KIF17: variants seen among roughly 807,000 people sequenced by gnomAD.
The protein encoded by KIF17 is kinesin-like protein KIF17.
Under a neutral mutation model 96.8 loss-of-function variants are expected in KIF17, and 80 were observed. The ratio of observed to expected loss-of-function variants is 0.83; its 90% CI spans 0.69 to 1.00. The LOEUF is 1.00. Ranked by LOEUF, KIF17 falls within the 50% of genes least tolerant of loss-of-function variation. KIF17 has a pLI of 0.00. For missense variants in KIF17, 1,280 were observed against 1,372.9 expected, an observed-to-expected ratio of 0.93 and a Z score of 1.07; for synonymous variants, 567 against 587.5, an observed-to-expected ratio of 0.97 and a Z score of 0.51.
chr1:20,701,944 C>A (rs1012781700), intron 5 of KIF17, among the ~76,000 whole-genome samples: 1 of 152,094 alleles, frequency 6.6e-6, no homozygotes, highest in Non-Finnish European at 1.5e-5. Context: ...GAGGGAGAAC[C>A]AGGGCTAAGG....
At position 20,664,447 on chromosome 1, in the gene KIF17, T is replaced by C. The variant is rs903226363; in HGVS notation, c.*137A>G. The C allele has an allele frequency of 2.5e-6, 4 of 1,570,158 alleles. No homozygotes were observed. The African/African-American group carries it at 4.0e-5, about 16-fold the overall frequency. ...TCTCTGGGGAACAGGGAAGGGAATG[T>C]GTCTTCCCAGGGCTGAGGGAGCCCT... is the stretch of plus-strand genomic sequence containing the variant. On this transcript the variant is annotated 3_prime_UTR_variant, in exon 15 of 15. Transcript: ENST00000400463.
intron 14 of KIF17, among the ~76,000 whole-genome samples, chr1:20,665,021 G>A (rs916011060): frequency 2.0e-5 from 3 of 152,034 alleles, no homozygotes; most frequent in African/African-American, 7.3e-5. Context: ...GGCAGCCTGG[G>A]ATCTCAAGCC....
At chr1:20,679,001 CAAAA>C (rs34906395) in intron 11 of KIF17, among the ~76,000 whole-genome samples, 11 of 86,648 alleles carry the variant, frequency 1.3e-4, no homozygotes, top group Admixed American at 2.4e-4. Flanking sequence ...TCTTCCTTGG[CAAAA>C]AAAAAAAAAA....
intron 11 of KIF17, among the ~76,000 whole-genome samples, chr1:20,679,715 G>A (rs184909040): frequency 1.3e-4 from 20 of 152,180 alleles, no homozygotes; most frequent in African/African-American, 4.6e-4. Flanking sequence ...CAAAAAGATG[G>A]GGACTTCAGT....
intron 13 of KIF17, among the ~76,000 whole-genome samples, chr1:20,666,800 A>G (rs2053537727): frequency 6.6e-6 from 1 of 152,108 alleles, no homozygotes; most frequent in Non-Finnish European, 1.5e-5. Context: ...TTTCCCCACT[A>G]TTATGGACTT....
At chr1:20,670,791 G>A (rs1281894247) in intron 12 of KIF17, among the ~76,000 whole-genome samples, 1 of 152,102 alleles carries the variant, frequency 6.6e-6, no homozygotes, top group African/African-American at 2.4e-5. Context: ...GGCGGGCTGG[G>A]GTCTCAGCAG....
intron 11 of KIF17, among the ~76,000 whole-genome samples, chr1:20,676,120 CTT>C (rs2053733102): frequency 6.6e-6 from 1 of 151,874 alleles, no homozygotes; most frequent in South Asian, 2.1e-4. Flanking sequence ...TTAATTTACT[CTT>C]TTTTCTCTAC....
chr1:20,672,100 A>G lies in KIF17; in HGVS notation c.2560T>C (p.Ser854Pro), dbSNP rs2053657762. 1 of 1,614,196 alleles carries G rather than the reference A, an allele frequency of 6.2e-7. No individual in the cohort carries two copies. The highest frequency in any genetic ancestry group is 1.1e-5 in the South Asian group (1 of 91,084). Reference sequence around the variant, plus strand: ...TCCAGGAGCTGCTGCAAGAGCATGGAGTCACGCTCCTGCCGGCGGATGGTG... The same window carrying G: ...TCCAGGAGCTGCTGCAAGAGCATGGGGTCACGCTCCTGCCGGCGGATGGTG... ...LATIRRQERD[S>P]MLLQQLLEQV... Residue 854 changes from serine to proline, a missense_variant, in exon 12 of 15, where the codon TCC (serine) becomes CCC (proline). Transcript: ENST00000400463. This position sits in a 1 kb window ranked among gnomAD's most constrained non-coding sequence, Gnocchi z 4.3.
chr1:20,664,708 A>T lies in KIF17; in HGVS notation c.2963T>A (p.Ile988Asn). 1 of 1,612,096 alleles carries T rather than the reference A, an allele frequency of 6.2e-7. No homozygotes were observed. The highest frequency in any genetic ancestry group is 1.1e-5 in the South Asian group (1 of 90,946). ...CATTTCAGGGGCCTGGGTGGGTGGG[A>T]TGGCAGAGTTGTTGCTGAGTGGGCA... is the stretch of plus-strand genomic sequence containing the variant. ...LSCPLSNNSA[I>N]PPTQAPEMPQ... The change falls in exon 15 of 15, where the codon ATC becomes AAC. Residue 988 changes from isoleucine (I) to asparagine (N), a missense_variant. Physicochemically the swap from Ile to Asn is moderately radical, Grantham distance 149 (BLOSUM62 -3). Transcript: ENST00000400463.
At chr1:20,671,470 A>G (rs1408623466) in intron 12 of KIF17, among the ~76,000 whole-genome samples, 1 of 151,176 alleles carries the variant, frequency 6.6e-6, no homozygotes, top group Non-Finnish European at 1.5e-5. Context: ...AGCTGGGACT[A>G]CAGGTACATG....
rs1361613829 is a variant in KIF17 at position 20,677,172 on chromosome 1, C to A, written c.2464-4976G>T. Among the ~76,000 whole-genome samples the A allele has an allele frequency of 2.0e-5, 3 of 152,220 alleles. No individual in the cohort carries two copies. In the East Asian group the frequency reaches 5.8e-4, roughly 29 times the overall value. On this transcript the variant is annotated intron_variant, in intron 11 of 14. Coordinates refer to ENST00000400463, the MANE Select transcript of KIF17 (RefSeq NM_001122819.3). ...GTTGCAGTGAGCTGTGATCGTGCCA[C>A]TGCACTCTAGCATGAGCAACAGGGT...
Position 20,679,340 on chromosome 1 carries a change from C to A in KIF17, c.2463+3313G>T, listed in dbSNP as rs187939564. Among the ~76,000 whole-genome samples, 863 of 151,970 alleles carry A rather than the reference C, an allele frequency of 5.7e-3. 7 individuals carry two copies. The highest frequency in any genetic ancestry group is 0.02 in the African/African-American group (810 of 41,464). ...AATAATAATAAAAAAATTAGCCAGG[C>A]GTGGTGGTGCATACCTGTAGTCCCA... On this transcript the variant is annotated intron_variant, in intron 11 of 14. Transcript: ENST00000400463.
intron 11 of KIF17, among the ~76,000 whole-genome samples, chr1:20,674,470 G>A (rs1438402645): frequency 6.6e-6 from 1 of 151,770 alleles, no homozygotes; most frequent in East Asian, 1.9e-4. Flanking sequence ...CCCCCATGTT[G>A]TCCAGGCTGG....
At chr1:20,669,346 G>C (rs901932342) in intron 13 of KIF17, among the ~76,000 whole-genome samples, 3 of 151,868 alleles carry the variant, frequency 2.0e-5, no homozygotes, top group Non-Finnish European at 2.9e-5. Flanking sequence ...GACCATCCTG[G>C]CTAACACAGT....
chr1:20,715,621 T>A lies in KIF17; in HGVS notation c.250A>T (p.Asn84Tyr). ...PLVEGVTEGYNGTIFAYGQTG... is the reference protein window; with the variant it reads ...PLVEGVTEGYYGTIFAYGQTG... ...TGGCCGTAGGCAAAGATGGTGCCAT[T>A]GTAGCCCTCAGTGACGCCCTGCATG... Residue 84 changes from asparagine to tyrosine, a missense_variant, in exon 2 of 15, where the codon AAT becomes TAT. Physicochemically the swap from Asn to Tyr is moderately radical, Grantham distance 143. Transcript: ENST00000400463. The A allele has an allele frequency of 6.2e-7, 1 of 1,613,406 alleles. No homozygotes were observed. Among genetic ancestry groups the A allele is most frequent in the Non-Finnish European group, 8.5e-7 (1 of 1,179,702 alleles).
chr1:20,677,712 G>A (rs578080269), intron 11 of KIF17, among the ~76,000 whole-genome samples: 54 of 152,042 alleles, frequency 3.6e-4, no homozygotes, highest in Middle Eastern at 3.4e-3. Context: ...AAAATTAGCC[G>A]GGCATGGGTG....
At chr1:20,695,137 CGCACACACACAT>C (rs755689945) in intron 6 of KIF17, among the ~76,000 whole-genome samples, 12 of 147,888 alleles carry the variant, frequency 8.1e-5, no homozygotes, top group Non-Finnish European at 1.2e-4. Flanking sequence ...CGCACACACA[CGCACACACACAT>C]GCATGTGCAC....
chr1:20,717,768 A>T lies in KIF17; in HGVS notation c.-62T>A. ...CCCCGCCCCGCCGGGGACTCCCAGC[A>T]GCCCGGGCCAAGGGGCGGGGCCAGC... is the stretch of plus-strand genomic sequence containing the variant. On this transcript the variant is annotated 5_prime_UTR_variant, in exon 1 of 15. Transcript: ENST00000400463. The T allele has an allele frequency of 6.8e-7, 1 of 1,471,704 alleles. No homozygotes were observed. Among genetic ancestry groups the T allele is most frequent in the Non-Finnish European group, 8.9e-7 (1 of 1,119,914 alleles). 91.2% of individuals were successfully genotyped at this position (1,471,704 alleles called of 1,614,324 possible).
chr1:20,717,869 CG>C lies in KIF17; in HGVS notation c.-164del, dbSNP rs371460735. The C allele has an allele frequency of 1, 455,751 of 456,312 alleles. 227,596 individuals carry two copies. Among genetic ancestry groups the C allele is most frequent in the East Asian group, 1 (13,708 of 13,708 alleles). 28.3% of individuals were successfully genotyped at this position (456,312 alleles called of 1,614,324 possible). A position where few individuals can be genotyped will look rare whatever the true frequency, so the allele number is the denominator to read the frequency against. On this transcript the variant is annotated 5_prime_UTR_variant, in exon 1 of 15. Transcript: ENST00000400463. ...GGCGGGGACCCCTCGGGGGGCGCCC[CG>C]GAGGGGAGCTGGGCGTCGCAGGACC...
Sources: gnomAD v4.1 joint callset for allele counts (sites outside exome capture counted in the v4.1 genomes callset) on GRCh38, gnomAD v4.1.1 for gene constraint, Gnocchi (gnomAD v3.1) non-coding constraint, MANE v1.5 for transcripts, NCBI Gene and HGNC (gene_info 2026-07-23, HGNC 2026-07-21) for gene names.